RYR3: variants seen among roughly 807,000 people sequenced by gnomAD.
The protein encoded by RYR3 is brain ryanodine receptor-calcium release channel.
In RYR3, 207 loss-of-function variants were observed where a neutral mutation model predicts 584.3. The ratio of observed to expected loss-of-function variants is 0.35; its 90% CI spans 0.32 to 0.40. The LOEUF (loss-of-function observed/expected upper bound fraction) is 0.40, where lower values mean the gene tolerates loss of function less well. Ranked by LOEUF, RYR3 falls within the 10% of genes least tolerant of loss-of-function variation. RYR3 has a pLI of 1.00. For synonymous variants in RYR3, 2,416 were observed against 2,248.5 expected, an observed-to-expected ratio of 1.07 and a Z score of -2.11; for missense variants, 5,616 against 6,089.2, an observed-to-expected ratio of 0.92 and a Z score of 2.59.
Position 33,865,271 on chromosome 15 carries a change from A to ATGAAATAAAGTCCCCTTT in RYR3, c.*47_*64dup. On this transcript the variant is annotated 3_prime_UTR_variant, in exon 104 of 104. Coordinates refer to ENST00000634891, the MANE Select transcript of RYR3 (RefSeq NM_001036.6). ...GACAATTCTGGACAGTCAACTTCCC[A>ATGAAATAAAGTCCCCTTT]TGAAATAAAGTCCCCTTTTTACAGT... 7.1e-7 allele frequency: 1 copy of ATGAAATAAAGTCCCCTTT among 1,416,694 alleles called. No individual in the cohort carries two copies. The highest frequency in any genetic ancestry group is 9.9e-7 in the Non-Finnish European group (1 of 1,008,642). The allele number at this position is 1,416,694 out of a possible 1,614,324, so 87.8% of individuals were successfully genotyped here. A position where few individuals can be genotyped will look rare whatever the true frequency, so the allele number is the denominator to read the frequency against.
intron 18 of RYR3, among the ~76,000 whole-genome samples, chr15:33,603,727 G>A (rs1252544601): frequency 6.6e-6 from 1 of 152,170 alleles, no homozygotes; most frequent in African/African-American, 2.4e-5. Context: ...AGCCCTTAAG[G>A]TAGAAAATAT....
chr15:33,810,471 TCTC>T lies in RYR3; in HGVS notation c.10027-5_10027-3del. 1 of 1,613,732 alleles carries T rather than the reference TCTC, an allele frequency of 6.2e-7. No homozygotes were observed. The highest frequency in any genetic ancestry group is 8.5e-7 in the Non-Finnish European group (1 of 1,179,724). On this transcript the variant is annotated splice_region_variant and splice_polypyrimidine_tract_variant and intron_variant, in intron 70 of 103. Transcript: ENST00000634891. ...CCCCTCTCTGTTTATTTCAACATCA[TCTC>T]CTAGTCTGGAGGACAAGACCAGGAG... is the stretch of plus-strand genomic sequence containing the variant.
At position 33,801,968 on chromosome 15, in the gene RYR3, C is replaced by T. The variant is rs371631183; in HGVS notation, c.10011+7C>T. 2.0e-5 allele frequency: 30 copies of T among 1,522,016 alleles called. No homozygotes were observed. In the African/African-American group the frequency reaches 3.5e-4, roughly 18 times the overall value. The allele number at this position is 1,522,016 out of a possible 1,614,324, so 94.3% of individuals were successfully genotyped here. ...CAAAAGCAAGATGTCAAAAGTAAGT[C>T]CTTAGAAATCAATTCCAAAAACTCT... On this transcript the variant is annotated splice_region_variant and intron_variant, in intron 69 of 103. Coordinates refer to ENST00000634891, the MANE Select transcript of RYR3 (RefSeq NM_001036.6).
In RYR3 at chr15:33,820,737, C is replaced by T. The variant is rs370109114; in HGVS notation, c.10759-19C>T. 2.0e-4 allele frequency: 313 copies of T among 1,598,792 alleles called. No individual in the cohort carries two copies. In the African/African-American group the frequency reaches 3.9e-3, roughly 20 times the overall value. On this transcript the variant is annotated intron_variant, in intron 77 of 103. Coordinates refer to ENST00000634891, the MANE Select transcript of RYR3 (RefSeq NM_001036.6). ...ATTTGATTGTCTGTCTTCTCCCTTC[C>T]CTGCTCCATGAAATCCAGAGTTGTC...
At chr15:33,699,277 CT>C (rs1245434938) in intron 40 of RYR3, among the ~76,000 whole-genome samples, 21 of 113,060 alleles carry the variant, frequency 1.9e-4, no homozygotes, top group African/African-American at 6.6e-4. Flanking sequence ...TCTCTCCCCC[CT>C]CCTCACTCTC....
At chr15:33,853,405 G>T in intron 95 of RYR3, 150 bp from the exon 96 acceptor site, 2 of 1,044,598 alleles carry the variant, frequency 1.9e-6, no homozygotes, top group Non-Finnish European at 2.7e-6. Context: ...TTTTTCTCTG[G>T]GTTTTCTCTT....
At chr15:33,787,605 C>G (rs1230331685) in intron 66 of RYR3, among the ~76,000 whole-genome samples, 1 of 151,782 alleles carries the variant, frequency 6.6e-6, no homozygotes, top group Non-Finnish European at 1.5e-5. Flanking sequence ...TTTTCAACTT[C>G]TAGTGATCAC....
At chr15:33,815,648 T>C (rs896226050) in intron 74 of RYR3, among the ~76,000 whole-genome samples, 2 of 152,198 alleles carry the variant, frequency 1.3e-5, no homozygotes, top group Non-Finnish European at 2.9e-5. Flanking sequence ...CTCTCTAGCA[T>C]GGAGGACTGT....
chr15:33,592,215 T>A (rs12438634), intron 16 of RYR3, among the ~76,000 whole-genome samples: 57,587 of 152,034 alleles, frequency 0.38, 11,583 homozygotes, highest in African/African-American at 0.49. Flanking sequence ...CCAAGGCCAG[T>A]GGGAGGGCTT....
intron 3 of RYR3, among the ~76,000 whole-genome samples, chr15:33,522,092 T>TAA (rs36044198): frequency 0.23 from 26,647 of 114,472 alleles, 3,717 homozygotes; most frequent in Middle Eastern, 0.46. Flanking sequence ...CATCTCTACT[T>TAA]AAAAAAAAAA....
chr15:33,744,899 C>T (rs926040875), intron 52 of RYR3, among the ~76,000 whole-genome samples: 2 of 152,172 alleles, frequency 1.3e-5, no homozygotes, highest in Non-Finnish European at 1.5e-5. Context: ...TGGAAACATT[C>T]GAAGTCAGTA....
At chr15:33,515,977 A>T (rs1199671625) in intron 3 of RYR3, among the ~76,000 whole-genome samples, 1 of 152,136 alleles carries the variant, frequency 6.6e-6, no homozygotes, top group Non-Finnish European at 1.5e-5. Context: ...GTATAAAAGG[A>T]ATTTCTAGGG....
intron 46 of RYR3, among the ~76,000 whole-genome samples, chr15:33,727,546 C>T (rs2068569849): frequency 1.3e-5 from 2 of 152,152 alleles, no homozygotes; most frequent in South Asian, 4.1e-4. Flanking sequence ...GTTTCCCAAA[C>T]ATAAAACACT....
Position 33,768,715 on chromosome 15 carries a change from A to T in RYR3, c.8755+8A>T, listed in dbSNP as rs377062980. 6.2e-7 allele frequency: 1 copy of T among 1,613,586 alleles called. No individual in the cohort carries two copies. Reference sequence around the variant, plus strand: ...ACAGAATTTCCCTCTTTGGTAAGTGAAGTGTTGCTCAAGGTACCGCTCCTC... The same window carrying T: ...ACAGAATTTCCCTCTTTGGTAAGTGTAGTGTTGCTCAAGGTACCGCTCCTC... On this transcript the variant is annotated splice_region_variant and intron_variant, in intron 61 of 103. Transcript: ENST00000634891.
chr15:33,705,085 C>CTCT (rs2066592424), intron 42 of RYR3, among the ~76,000 whole-genome samples: 1 of 145,350 alleles, frequency 6.9e-6, no homozygotes, highest in Non-Finnish European at 1.5e-5. Flanking sequence ...TGCACACACA[C>CTCT]ATGCACACAC....
intron 91 of RYR3, 42 bp from the exon 92 acceptor site, chr15:33,843,446 C>CTTCCAAAGCTCTT: frequency 7.1e-7 from 1 of 1,412,600 alleles, no homozygotes. Flanking sequence ...TTCTCTTTTC[C>CTTCCAAAGCTCTT]TTCCAAAGCT....
Position 33,823,066 on chromosome 15 carries a change from C to G in RYR3, c.11066C>G (p.Ser3689Cys), listed in dbSNP as rs1193360636. ...FFQSLSGLMQ[S>C]CSVLDLNAFE... The stretch of plus-strand genomic sequence containing the variant: ...CAAAGCCTTTCTGGTCTTATGCAGT[C>G]TTGCAGGTAAATGCGGGAAAACTAC... Residue 3689 changes from serine (S) to cysteine (C), a missense_variant, in exon 81 of 104, where the codon TCT becomes TGT. By Grantham distance (112) the Ser-to-Cys change is moderately radical. Coordinates refer to ENST00000634891, the MANE Select transcript of RYR3 (RefSeq NM_001036.6). 1.2e-6 allele frequency: 2 copies of G among 1,612,472 alleles called. No homozygotes were observed. Among genetic ancestry groups the G allele is most frequent in the African/African-American group, 2.7e-5 (2 of 74,854 alleles).
intron 67 of RYR3, among the ~76,000 whole-genome samples, chr15:33,793,845 AAT>A (rs1379675320): frequency 6.7e-6 from 1 of 149,926 alleles, no homozygotes; most frequent in Non-Finnish European, 1.5e-5. Flanking sequence ...TACTATTTAA[AAT>A]AACCTAATTA....
At position 33,385,695 on chromosome 15, in the gene RYR3, TTTTCTTTTTCTTTTC is replaced by T. The variant is rs1435894241; in HGVS notation, c.51+74603_51+74617del. 5.3e-5 allele frequency among the ~76,000 whole-genome samples: 5 copies of T among 94,194 alleles called. No homozygotes were observed. In the East Asian group the frequency reaches 9.8e-4, roughly 19 times the overall value. 61.8% of individuals were successfully genotyped at this position (94,194 alleles called of 152,430 possible). On this transcript the variant is annotated intron_variant, in intron 1 of 103. Transcript: ENST00000634891. ...TCTGCCCCCTTTTTCTTTTCTTTTTTTTTCTTTTTCTTTTCTTTTTTTTTTTGAGACAGGGTCTCA... is the reference window on the plus strand; with the variant it reads ...TCTGCCCCCTTTTTCTTTTCTTTTTTTTTTTTTTTTTGAGACAGGGTCTCA...
Sources: allele counts gnomAD v4.1 joint callset (sites outside exome capture counted in the v4.1 genomes callset), GRCh38; gene constraint gnomAD v4.1.1; transcripts MANE v1.5; gene names NCBI Gene and HGNC (gene_info 2026-07-23, HGNC 2026-07-21).